TTLL11: variants seen among roughly 807,000 people sequenced by gnomAD.
TTLL11 encodes the protein tubulin polyglutamylase TTLL11.
A neutral mutation model predicts 51.7 loss-of-function variants in TTLL11; 42 were observed. The observed-to-expected ratio is 0.81, with a 90% CI of 0.64 to 1.05. The LOEUF is 1.05. Among genes scored for constraint, TTLL11 ranks in the 50% least tolerant of loss-of-function variants. TTLL11 has a pLI of 0.00. For missense variants in TTLL11, 799 were observed against 940.4 expected (o/e 0.85, Z 1.97); for synonymous variants, 381 against 383.5 (o/e 0.99, Z 0.08).
intron 1 of TTLL11, among the ~76,000 whole-genome samples, chr9:122,057,865 T>C (rs1845333315): frequency 6.6e-6 from 1 of 152,216 alleles, no homozygotes; most frequent in Admixed American, 6.5e-5. Context: ...TTATGCCCTT[T>C]TATGAACTTA....
At position 122,020,648 on chromosome 9, in the gene TTLL11, C is replaced by T. The variant is rs184158341; in HGVS notation, c.693+11075G>A. 7.9e-5 allele frequency among the ~76,000 whole-genome samples: 12 copies of T among 152,342 alleles called. No individual in the cohort carries two copies. In the East Asian group the frequency reaches 2.1e-3, roughly 27 times the overall value. On this transcript the variant is annotated intron_variant, in intron 3 of 8. Transcript: ENST00000321582. The stretch of plus-strand genomic sequence containing the variant: ...CACCTCTGCATTCAGATATTGAAAC[C>T]CTAACCCCCAAGGGGATGGTTTTAA...
chr9:121,873,881 C>G (rs1309089860), intron 6 of TTLL11, among the ~76,000 whole-genome samples: 2 of 146,796 alleles, frequency 1.4e-5, no homozygotes, highest in Admixed American at 6.9e-5. Flanking sequence ...CTCTGTCACC[C>G]AGGCTGGAGT....
In TTLL11 at chr9:121,989,342, T is replaced by C; in HGVS notation, c.1122A>G (p.Arg374=). The stretch of plus-strand genomic sequence containing the variant: ...TGATGTCAACGCCTTTGGAAGACAG[T>C]CTACAAAGGATGCTGGAAAAAGTCC... ...SKRTFSSILC[R]LSSKGVDIKK... Residue 374 remains arginine, a synonymous_variant, in exon 4 of 9, where the codon AGA becomes AGG. Transcript: ENST00000321582. The surrounding 1 kb of genome is among the most constrained non-coding windows in gnomAD (Gnocchi z 4.2). 6.2e-7 allele frequency: 1 copy of C among 1,614,200 alleles called. No individual in the cohort carries two copies. The highest frequency in any genetic ancestry group is 1.3e-5 in the African/African-American group (1 of 75,044).
At chr9:121,849,121 C>T (rs1837596638) in intron 8 of TTLL11, among the ~76,000 whole-genome samples, 2 of 152,220 alleles carry the variant, frequency 1.3e-5, no homozygotes, top group Non-Finnish European at 2.9e-5. Context: ...ATCTTTGACA[C>T]AGGAGTAAAT....
intron 7 of TTLL11, among the ~76,000 whole-genome samples, chr9:121,861,823 G>C (rs1390087115): frequency 6.6e-6 from 1 of 152,186 alleles, no homozygotes; most frequent in Non-Finnish European, 1.5e-5. Flanking sequence ...ATGGACAAGG[G>C]CTCAAGGCTT....
At chr9:122,068,723 G>C (rs1230203892) in intron 1 of TTLL11, among the ~76,000 whole-genome samples, 1 of 152,190 alleles carries the variant, frequency 6.6e-6, no homozygotes, top group Non-Finnish European at 1.5e-5. Flanking sequence ...ATACTGGGGG[G>C]TGTTCACCGA....
rs1843036651 is a variant in TTLL11, at chr9:121,989,426, T to C, written c.1038A>G (p.Ser346=). 6.2e-7 allele frequency: 1 copy of C among 1,613,964 alleles called. No homozygotes were observed. Among genetic ancestry groups the C allele is most frequent in the Non-Finnish European group, 8.5e-7 (1 of 1,179,996 alleles). Residue 346 remains serine, a synonymous_variant, in exon 4 of 9, where the codon TCA becomes TCG. Transcript: ENST00000321582. The surrounding 1 kb of genome is among the most constrained non-coding windows in gnomAD (Gnocchi z 4.2). The part of the protein sequence containing the change: ...HRIFMHLTNY[S]LNIHSGNFIH... ...TGAAGTTGCCGCTGTGGATGTTCAG[T>C]GAATAGTTGGTTAAGTGCATAAAGA...
Position 121,822,692 on chromosome 9 carries a change from G to T in TTLL11, c.2028C>A (p.Gly676=), listed in dbSNP as rs1009817152. The change falls in exon 9 of 9, where the codon GGC becomes GGA. Residue 676 remains glycine, a synonymous_variant. Coordinates refer to ENST00000321582, the MANE Select transcript of TTLL11 (RefSeq NM_001139442.2). The surrounding 1 kb of genome is among the most constrained non-coding windows in gnomAD (Gnocchi z 5.8). ...VPSGGRPPHR[G]PPQEPSPSAQ... is the part of the protein sequence containing the mutation. Reference sequence around the variant, plus strand: ...CCGAGGGGGAGGGCTCCTGGGGAGGGCCACGGTGTGGGGGCCGGCCCCCCG... The same window carrying T: ...CCGAGGGGGAGGGCTCCTGGGGAGGTCCACGGTGTGGGGGCCGGCCCCCCG... 6 of 1,548,646 alleles carry T rather than the reference G, an allele frequency of 3.9e-6. No individual in the cohort carries two copies. The African/African-American group carries it at 6.9e-5, about 18-fold the overall frequency.
At chr9:122,068,443 T>C (rs1372329543) in intron 1 of TTLL11, among the ~76,000 whole-genome samples, 3 of 152,146 alleles carry the variant, frequency 2.0e-5, no homozygotes, top group African/African-American at 4.8e-5. Flanking sequence ...TATACAGTAA[T>C]AATAAAGATA....
chr9:121,909,504 TC>T (rs2131496390), intron 6 of TTLL11, among the ~76,000 whole-genome samples: 1 of 152,312 alleles, frequency 6.6e-6, no homozygotes, highest in South Asian at 2.1e-4. Context: ...GGGCCCTTGT[TC>T]GCTAGAAGCA....
intron 1 of TTLL11, among the ~76,000 whole-genome samples, chr9:122,079,294 T>G (rs573004273): frequency 6.6e-6 from 1 of 152,238 alleles, no homozygotes; most frequent in Non-Finnish European, 1.5e-5. Context: ...TATTTCACTG[T>G]GGTTTTGATT....
intron 3 of TTLL11, among the ~76,000 whole-genome samples, chr9:122,012,180 CT>C (rs777982737): frequency 2.0e-5 from 3 of 152,084 alleles, no homozygotes; most frequent in Non-Finnish European, 4.4e-5. Flanking sequence ...TTATAATTTC[CT>C]TTTGAAATAG....
At chr9:122,031,109 G>T (rs971017901) in intron 3 of TTLL11, among the ~76,000 whole-genome samples, 1 of 152,184 alleles carries the variant, frequency 6.6e-6, no homozygotes, top group Non-Finnish European at 1.5e-5. Flanking sequence ...CAAAGGCTTT[G>T]AAGGGGTCCT....
chr9:122,007,948 CAG>C (rs1843699866), intron 3 of TTLL11, among the ~76,000 whole-genome samples: 1 of 152,020 alleles, frequency 6.6e-6, no homozygotes, highest in Non-Finnish European at 1.5e-5. Context: ...TTGACATTAC[CAG>C]TAATAAGACA....
chr9:121,901,844 C>A (rs59555548), intron 6 of TTLL11, among the ~76,000 whole-genome samples: 15,628 of 152,260 alleles, frequency 0.1, 987 homozygotes, highest in Admixed American at 0.21. Flanking sequence ...CACCTGTTCA[C>A]TCCCTCTGAA....
At chr9:121,861,459 T>A (rs548570269) in intron 7 of TTLL11, among the ~76,000 whole-genome samples, 1 of 152,286 alleles carries the variant, frequency 6.6e-6, no homozygotes, top group South Asian at 2.1e-4. Flanking sequence ...CCTTTCTGAG[T>A]CTCGGTGTCC....
intron 6 of TTLL11, among the ~76,000 whole-genome samples, chr9:121,957,383 C>T (rs972604838): frequency 6.6e-5 from 10 of 152,166 alleles, no homozygotes; most frequent in African/African-American, 2.4e-4. Context: ...CACATCTCCC[C>T]GCCCCCTCTT....
intron 8 of TTLL11, among the ~76,000 whole-genome samples, chr9:121,845,034 G>A (rs936283426): frequency 2.7e-5 from 4 of 150,818 alleles, no homozygotes; most frequent in African/African-American, 9.8e-5. Context: ...AAACCGTGCA[G>A]GACAAATAAC....
chr9:121,946,195 C>A (rs1161160302), intron 6 of TTLL11, among the ~76,000 whole-genome samples: 3 of 152,186 alleles, frequency 2.0e-5, no homozygotes, highest in Admixed American at 1.3e-4. Context: ...AGTGGACACA[C>A]AGAGTGCCCT....
Sources: gnomAD v4.1 joint callset for allele counts (sites outside exome capture counted in the v4.1 genomes callset) on GRCh38, gnomAD v4.1.1 for gene constraint, Gnocchi (gnomAD v3.1) non-coding constraint, MANE v1.5 for transcripts, NCBI Gene and HGNC (gene_info 2026-07-23, HGNC 2026-07-21) for gene names.